Variants in TTBK2 observed in about 807,000 individuals in gnomAD.
TTBK2 encodes tau tubulin kinase 2, also known as tau-tubulin kinase 2.
Under a neutral mutation model 110.8 loss-of-function variants are expected in TTBK2, and 28 were observed. The ratio of observed to expected loss-of-function variants is 0.25; its 90% CI spans 0.19 to 0.35. The LOEUF is 0.35. Among genes scored for constraint, TTBK2 ranks in the 10% least tolerant of loss-of-function variants. The pLI is 1.00. For synonymous variants in TTBK2, 532 were observed against 527.3 expected (o/e 1.01, Z -0.12); for missense variants, 1,369 against 1,500.3 (o/e 0.91, Z 1.45).
intron 3 of TTBK2, among the ~76,000 whole-genome samples, chr15:42,865,564 T>C (rs1894341679): frequency 1.3e-5 from 2 of 150,770 alleles, no homozygotes; most frequent in Admixed American, 1.3e-4. Context: ...TGCACACCCT[T>C]GTAATCCCAG....
chr15:42,815,988 A>T (rs1891977830), intron 7 of TTBK2, among the ~76,000 whole-genome samples: 1 of 82,930 alleles, frequency 1.2e-5, no homozygotes, highest in Non-Finnish European at 2.1e-5. Context: ...TTTGAGACGG[A>T]GTCTTGCTCT....
intron 2 of TTBK2, among the ~76,000 whole-genome samples, chr15:42,874,179 CAA>C (rs1483089526): frequency 6.6e-6 from 1 of 152,160 alleles, no homozygotes; most frequent in Non-Finnish European, 1.5e-5. Flanking sequence ...TAAGCCTTTT[CAA>C]AGAGATGGCC....
At chr15:42,783,379 T>G (rs1890257871) in intron 11 of TTBK2, 40 bp downstream of exon 11, 3 of 1,592,668 alleles carry the variant, frequency 1.9e-6, no homozygotes, top group Non-Finnish European at 2.6e-6. Context: ...CCTTCTGAAC[T>G]GTAAGAAATA....
At chr15:42,746,742 A>C (rs1318037063) in intron 14 of TTBK2, among the ~76,000 whole-genome samples, 1 of 152,074 alleles carries the variant, frequency 6.6e-6, no homozygotes, top group African/African-American at 2.4e-5. Context: ...TTTTCTGCCA[A>C]GGATCTGTCA....
At chr15:42,831,095 C>T (rs1349999777) in intron 4 of TTBK2, among the ~76,000 whole-genome samples, 1 of 151,520 alleles carries the variant, frequency 6.6e-6, no homozygotes, top group Non-Finnish European at 1.5e-5. Context: ...GGCACTAATT[C>T]CTCATTACTG....
chr15:42,770,478 G>A (rs1417917183), intron 13 of TTBK2, among the ~76,000 whole-genome samples: 1 of 152,100 alleles, frequency 6.6e-6, no homozygotes, highest in African/African-American at 2.4e-5. Flanking sequence ...TGCATGCTGA[G>A]GTTCCACAAA....
intron 2 of TTBK2, among the ~76,000 whole-genome samples, chr15:42,873,609 T>C (rs938832253): frequency 3.3e-5 from 5 of 152,110 alleles, no homozygotes; most frequent in Admixed American, 2.0e-4. Context: ...AAAATCAATT[T>C]AAGCAAGTTC....
chr15:42,771,264 C>T (rs974938764), intron 13 of TTBK2, among the ~76,000 whole-genome samples: 4 of 152,094 alleles, frequency 2.6e-5, no homozygotes, highest in African/African-American at 7.2e-5. Context: ...TGAGCCACCA[C>T]GCCCGGCCTG....
chr15:42,831,168 G>A (rs992407124), intron 4 of TTBK2, among the ~76,000 whole-genome samples: 3 of 151,842 alleles, frequency 2.0e-5, no homozygotes, highest in Non-Finnish European at 4.4e-5. Context: ...ATAAAAACAA[G>A]CTAATAAAAC....
intron 1 of TTBK2, among the ~76,000 whole-genome samples, chr15:42,913,035 G>A (rs1173544771): frequency 1.4e-5 from 2 of 147,816 alleles, no homozygotes; most frequent in Non-Finnish European, 3.0e-5. Context: ...TGAGGCAGGA[G>A]AATGGCGTGA....
intron 6 of TTBK2, among the ~76,000 whole-genome samples, chr15:42,820,699 G>GC (rs973837604): frequency 2.7e-5 from 4 of 149,944 alleles, no homozygotes; most frequent in African/African-American, 7.4e-5. Flanking sequence ...CTCTGAAGCT[G>GC]CAAAAAAAAA....
intron 10 of TTBK2, 146 bp downstream of exon 10, chr15:42,794,498 A>C: frequency 9.0e-7 from 1 of 1,110,798 alleles, no homozygotes; most frequent in Non-Finnish European, 1.4e-6. Context: ...AAAGGCGTAC[A>C]TAAGAGCAAT....
intron 1 of TTBK2, among the ~76,000 whole-genome samples, chr15:42,910,617 C>A (rs2030696138): frequency 1.3e-5 from 2 of 152,146 alleles, no homozygotes; most frequent in Non-Finnish European, 2.9e-5. Context: ...TAATGCATAG[C>A]TTTGCCCTCA....
intron 13 of TTBK2, among the ~76,000 whole-genome samples, chr15:42,755,935 C>A (rs2061939449): frequency 6.6e-6 from 1 of 152,166 alleles, no homozygotes. Context: ...GTGGCTCTTG[C>A]CTATAATCCC....
intron 1 of TTBK2, among the ~76,000 whole-genome samples, chr15:42,896,785 A>T (rs2141178090): frequency 6.6e-6 from 1 of 152,260 alleles, no homozygotes; most frequent in East Asian, 1.9e-4. Context: ...ATAGAGTGAG[A>T]CCCTGTCTCC....
At chr15:42,867,434 C>T (rs2141101882) in intron 3 of TTBK2, among the ~76,000 whole-genome samples, 1 of 151,892 alleles carries the variant, frequency 6.6e-6, no homozygotes, top group African/African-American at 2.4e-5. Flanking sequence ...TTGCAAAAGA[C>T]CTATATGATA....
intron 1 of TTBK2, among the ~76,000 whole-genome samples, chr15:42,899,737 A>C (rs1473272781): frequency 6.7e-6 from 1 of 150,098 alleles, no homozygotes; most frequent in African/African-American, 2.5e-5. Flanking sequence ...GACTCCATAC[A>C]AAAAAAGAAA....
At chr15:42,821,384 T>C (rs1421458360) in intron 6 of TTBK2, among the ~76,000 whole-genome samples, 3 of 152,236 alleles carry the variant, frequency 2.0e-5, no homozygotes, top group Non-Finnish European at 4.4e-5. Flanking sequence ...CAAGTCAGGT[T>C]TAATTTGCTT....
At chr15:42,812,226 TGA>T (rs1267298732) in intron 7 of TTBK2, among the ~76,000 whole-genome samples, 1 of 152,142 alleles carries the variant, frequency 6.6e-6, no homozygotes, top group Non-Finnish European at 1.5e-5. Context: ...GAGTTGTAAC[TGA>T]GATACACCCC....
Sources: allele counts gnomAD v4.1 joint callset (sites outside exome capture counted in the v4.1 genomes callset), GRCh38; gene constraint gnomAD v4.1.1; transcripts MANE v1.5; gene names NCBI Gene and HGNC (gene_info 2026-07-23, HGNC 2026-07-21).